The following MGAT4C variants were observed in gnomAD, a reference collection of about 807,000 sequenced individuals.
The protein encoded by MGAT4C is alpha-1,3-mannosyl-glycoprotein 4-beta-N-acetylglucosaminyltransferase C.
In MGAT4C, 19 loss-of-function variants were observed where a neutral mutation model predicts 40.1. The ratio of observed to expected loss-of-function variants is 0.47; its 90% CI spans 0.33 to 0.70. The LOEUF is 0.70. Among genes scored for constraint, MGAT4C ranks in the 30% least tolerant of loss-of-function variants. MGAT4C has a pLI of 0.02. For synonymous variants in MGAT4C, 181 were observed against 187.1 expected (o/e 0.97, Z 0.27); for missense variants, 491 against 563.2 (o/e 0.87, Z 1.30).
In MGAT4C at chr12:86,809,904, C is replaced by A. The variant is rs917000004; in HGVS notation, c.-262+28762G>T. 2.0e-5 allele frequency among the ~76,000 whole-genome samples: 3 copies of A among 152,112 alleles called. No individual in the cohort carries two copies. The East Asian group carries it at 5.8e-4, about 29-fold the overall frequency. ...AAACTTGTCTATGTCTATGAAAATT[C>A]TTTCTAGCACCTTTACTAAAATTGC... On this transcript the variant is annotated intron_variant, in intron 1 of 7. Transcript: ENST00000548651.
chr12:86,522,468 A>T (rs992746537), intron 2 of MGAT4C, among the ~76,000 whole-genome samples: 22 of 152,174 alleles, frequency 1.4e-4, no homozygotes, highest in African/African-American at 4.1e-4. Flanking sequence ...ATCATGGTAG[A>T]TAAGATTTTT....
intron 2 of MGAT4C, among the ~76,000 whole-genome samples, chr12:86,666,662 A>G (rs1056935427): frequency 3.3e-5 from 5 of 152,206 alleles, no homozygotes; most frequent in African/African-American, 7.2e-5. Context: ...GTTTTTGCCA[A>G]TTAGAAACAT....
chr12:86,268,416 A>G (rs545954342), intron 4 of MGAT4C, among the ~76,000 whole-genome samples: 2 of 151,960 alleles, frequency 1.3e-5, no homozygotes, highest in African/African-American at 4.8e-5. Flanking sequence ...ATATAGATTT[A>G]AAAACATTGA....
chr12:86,165,456 T>A (rs530399879), intron 1 of MGAT4C, among the ~76,000 whole-genome samples: 1 of 152,156 alleles, frequency 6.6e-6, no homozygotes, highest in African/African-American at 2.4e-5. Context: ...TCAAAGTCTG[T>A]CTATGAGCTA....
intron 1 of MGAT4C, among the ~76,000 whole-genome samples, chr12:86,105,556 G>A (rs1428378013): frequency 1.3e-5 from 2 of 152,028 alleles, no homozygotes; most frequent in Non-Finnish European, 2.9e-5. Flanking sequence ...ATAAAGGAGA[G>A]GGAAGAACAG....
intron 2 of MGAT4C, among the ~76,000 whole-genome samples, chr12:86,531,977 T>A (rs1023218438): frequency 1.3e-5 from 2 of 151,998 alleles, no homozygotes; most frequent in Non-Finnish European, 2.9e-5. Flanking sequence ...ATCATCTAAT[T>A]GGTAAATTGC....
At position 86,304,572 on chromosome 12, in the gene MGAT4C, T is replaced by C. The variant is rs552383194; in HGVS notation, c.-57+29493A>G. Among the ~76,000 whole-genome samples, 6 of 150,886 alleles carry C rather than the reference T, an allele frequency of 4.0e-5. No homozygotes were observed. In the East Asian group the frequency reaches 1.2e-3, roughly 29 times the overall value. ...TCTTACATATTCAAAATGGGAAATA[T>C]ACCAAATGTCATGCATCCTATTCTA... On this transcript the variant is annotated intron_variant, in intron 4 of 7. Coordinates refer to the MGAT4C transcript ENST00000548651.
intron 2 of MGAT4C, among the ~76,000 whole-genome samples, chr12:86,457,635 T>C (rs981611018): frequency 3.9e-5 from 6 of 152,072 alleles, no homozygotes; most frequent in Non-Finnish European, 1.5e-5. Flanking sequence ...ATCTTAGTTT[T>C]AAAGGGAAAG....
chr12:86,812,074 G>C (rs1179770919), intron 1 of MGAT4C, among the ~76,000 whole-genome samples: 1 of 152,224 alleles, frequency 6.6e-6, no homozygotes, highest in African/African-American at 2.4e-5. Context: ...CTATTTAAGA[G>C]TGTGTGTTTA....
chr12:86,768,525 T>C (rs1038956028), intron 1 of MGAT4C, among the ~76,000 whole-genome samples: 1 of 151,606 alleles, frequency 6.6e-6, no homozygotes, highest in African/African-American at 2.4e-5. Flanking sequence ...TACTTTAAAG[T>C]TCATATGGAA....
chr12:86,152,582 C>T (rs1193178022), intron 1 of MGAT4C, among the ~76,000 whole-genome samples: 1 of 152,218 alleles, frequency 6.6e-6, no homozygotes, highest in Non-Finnish European at 1.5e-5. Context: ...AGCACCCACA[C>T]TGCTTCCATG....
intron 2 of MGAT4C, among the ~76,000 whole-genome samples, chr12:86,573,741 G>T (rs1053023412): frequency 9.9e-5 from 15 of 151,892 alleles, no homozygotes; most frequent in African/African-American, 3.6e-4. Flanking sequence ...TTCCTCAAGT[G>T]CATGTTTAAA....
chr12:86,643,937 TAATCTC>T (rs1441465784), intron 2 of MGAT4C, among the ~76,000 whole-genome samples: 2 of 151,764 alleles, frequency 1.3e-5, no homozygotes, highest in Non-Finnish European at 2.9e-5. Flanking sequence ...TTTTGTGAAT[TAATCTC>T]AATAAGAATA....
chr12:86,485,705 G>A (rs181677303), intron 2 of MGAT4C, among the ~76,000 whole-genome samples: 10 of 152,136 alleles, frequency 6.6e-5, no homozygotes, highest in East Asian at 1.9e-4. Flanking sequence ...AAGTTGACAC[G>A]CAAATTTGAG....
intron 1 of MGAT4C, among the ~76,000 whole-genome samples, chr12:86,788,321 A>C (rs1951968427): frequency 6.7e-6 from 1 of 149,542 alleles, no homozygotes; most frequent in African/African-American, 2.5e-5. Flanking sequence ...TTGGTAAAAC[A>C]TCCTGAATTA....
chr12:86,715,611 C>A (rs181343555), intron 2 of MGAT4C, among the ~76,000 whole-genome samples: 19 of 152,180 alleles, frequency 1.2e-4, no homozygotes, highest in Non-Finnish European at 2.5e-4. Flanking sequence ...AAGCTTCAAT[C>A]GCAAAGCTGA....
chr12:86,104,862 A>AAT (rs1565987377), intron 1 of MGAT4C, among the ~76,000 whole-genome samples: 1 of 151,020 alleles, frequency 6.6e-6, no homozygotes. Flanking sequence ...GGCAAACCTG[A>AAT]TTTTTTTTTA....
intron 4 of MGAT4C, among the ~76,000 whole-genome samples, chr12:86,279,449 T>A (rs1331176842): frequency 6.6e-6 from 1 of 152,128 alleles, no homozygotes; most frequent in African/African-American, 2.4e-5. Context: ...GGCATACTGT[T>A]CCTCATAGTA....
chr12:86,110,281 C>CTATATATAGTCTATATATATA (rs1877062097), intron 1 of MGAT4C, among the ~76,000 whole-genome samples: 1 of 17,134 alleles, frequency 5.8e-5, no homozygotes, highest in Non-Finnish European at 1.1e-4. Context: ...TATATATAGT[C>CTATATATAGTCTATATATATA]TATATATATA....
Sources: gnomAD v4.1 joint callset for allele counts (sites outside exome capture counted in the v4.1 genomes callset) on GRCh38, gnomAD v4.1.1 for gene constraint, MANE v1.5 for transcripts, NCBI Gene and HGNC (gene_info 2026-07-23, HGNC 2026-07-21) for gene names.